TFDP2: variants seen among roughly 807,000 people sequenced by gnomAD.
The protein encoded by TFDP2 is transcription factor Dp-2 (E2F dimerization partner 2).
A neutral mutation model predicts 59.3 loss-of-function variants in TFDP2; 17 were observed. The ratio of observed to expected loss-of-function variants is 0.29; its 90% confidence interval spans 0.20 to 0.43. The LOEUF (loss-of-function observed/expected upper bound fraction) is 0.43. Among genes scored for constraint, TFDP2 ranks in the 20% least tolerant of loss-of-function variants. TFDP2 has a pLI of 1.00. For synonymous variants in TFDP2, 180 were observed against 194.7 expected (o/e 0.92, Z 0.63); for missense variants, 391 against 528.8 (o/e 0.74, Z 2.56).
chr3:141,982,762 G>A (rs557751721), intron 6 of TFDP2, among the ~76,000 whole-genome samples: 46 of 152,268 alleles, frequency 3.0e-4, no homozygotes, highest in African/African-American at 1.1e-3. Context: ...ATAAAACAGT[G>A]ATGGCTATAC....
At chr3:142,057,276 T>C (rs2059778560) in intron 3 of TFDP2, among the ~76,000 whole-genome samples, 1 of 152,244 alleles carries the variant, frequency 6.6e-6, no homozygotes, top group Non-Finnish European at 1.5e-5. Context: ...TAAGAACCTT[T>C]TTAAAGACGA....
chr3:141,960,611 G>A (rs1937235354), intron 10 of TFDP2, among the ~76,000 whole-genome samples: 1 of 152,132 alleles, frequency 6.6e-6, no homozygotes, highest in African/African-American at 2.4e-5. Flanking sequence ...TTAAAATCAT[G>A]TGAGGGTAAA....
At chr3:142,016,302 ATTT>A (rs34147232) in intron 3 of TFDP2, among the ~76,000 whole-genome samples, 3 of 133,364 alleles carry the variant, frequency 2.2e-5, no homozygotes, top group African/African-American at 2.8e-5. Context: ...GCCCAGCAAC[ATTT>A]TTTTTTTTTT....
At chr3:142,115,315 C>CTTT (rs906368574) in intron 1 of TFDP2, among the ~76,000 whole-genome samples, 3 of 130,970 alleles carry the variant, frequency 2.3e-5, no homozygotes, top group Non-Finnish European at 3.3e-5. Flanking sequence ...CACGCATTTT[C>CTTT]TTTTTTTTTT....
Position 141,952,334 on chromosome 3 carries a change from G to T in TFDP2, c.*179C>A. The T allele has an allele frequency of 1.8e-6, 1 of 542,338 alleles. No homozygotes were observed. The highest frequency in any genetic ancestry group is 3.1e-6 in the Non-Finnish European group (1 of 327,422). 33.6% of individuals were successfully genotyped at this position (542,338 alleles called of 1,614,324 possible). A position where few individuals can be genotyped will look rare whatever the true frequency, so the allele number is the denominator to read the frequency against. ...TTGGCCAGACTTTCATTCACACTATGTTAACTTTCATCTCAATCATCTCAG... is the reference window on the plus strand; with the variant it reads ...TTGGCCAGACTTTCATTCACACTATTTTAACTTTCATCTCAATCATCTCAG... On this transcript the variant is annotated 3_prime_UTR_variant, in exon 13 of 13. Transcript: ENST00000489671.
At chr3:142,124,284 A>G (rs1441464735) in intron 1 of TFDP2, among the ~76,000 whole-genome samples, 1 of 152,220 alleles carries the variant, frequency 6.6e-6, no homozygotes, top group East Asian at 1.9e-4. Flanking sequence ...TAGCCATAAA[A>G]TTATGGAAAC....
chr3:142,114,869 G>A (rs1449527257), intron 1 of TFDP2, among the ~76,000 whole-genome samples: 1 of 152,028 alleles, frequency 6.6e-6, no homozygotes, highest in Non-Finnish European at 1.5e-5. Flanking sequence ...ATATTTAAAT[G>A]TAAAGGTATA....
At chr3:142,141,602 C>T (rs907170024) in intron 1 of TFDP2, among the ~76,000 whole-genome samples, 2 of 151,978 alleles carry the variant, frequency 1.3e-5, no homozygotes, top group African/African-American at 4.8e-5. Flanking sequence ...GGCAGCAGAT[C>T]AGTTGAGGCC....
intron 1 of TFDP2, among the ~76,000 whole-genome samples, chr3:142,148,508 C>A (rs2063255983): frequency 6.6e-6 from 1 of 152,118 alleles, no homozygotes; most frequent in Admixed American, 6.6e-5. Flanking sequence ...CGAAACACAC[C>A]GAATAGGTGG....
intron 1 of TFDP2, among the ~76,000 whole-genome samples, chr3:142,106,368 A>G (rs1263782836): frequency 6.6e-6 from 1 of 152,262 alleles, no homozygotes; most frequent in East Asian, 1.9e-4. Context: ...ATTAAAAATT[A>G]AGTATGCTGT....
At chr3:142,012,331 A>G (rs1944790306) in intron 3 of TFDP2, among the ~76,000 whole-genome samples, 1 of 152,138 alleles carries the variant, frequency 6.6e-6, no homozygotes, top group African/African-American at 2.4e-5. Flanking sequence ...ACACATTTTA[A>G]AGCTTTTTTC....
chr3:141,958,250 A>G (rs1936937943), intron 11 of TFDP2, among the ~76,000 whole-genome samples: 1 of 152,238 alleles, frequency 6.6e-6, no homozygotes, highest in Non-Finnish European at 1.5e-5. Context: ...GTTTATTTTC[A>G]GTAAAATAAA....
chr3:141,966,042 G>A (rs1937998335), intron 9 of TFDP2, among the ~76,000 whole-genome samples: 2 of 151,818 alleles, frequency 1.3e-5, no homozygotes, highest in East Asian at 1.9e-4. Context: ...GGTATATGGG[G>A]GAATATAAGC....
chr3:142,139,078 G>T (rs148502633), intron 1 of TFDP2, among the ~76,000 whole-genome samples: 12,656 of 152,262 alleles, frequency 0.083, 654 homozygotes, highest in Middle Eastern at 0.14. Flanking sequence ...ATTTAGGATA[G>T]TTAGCTCTTC....
At chr3:142,091,235 G>A (rs998715112) in intron 3 of TFDP2, among the ~76,000 whole-genome samples, 1 of 151,736 alleles carries the variant, frequency 6.6e-6, no homozygotes, top group Non-Finnish European at 1.5e-5. Flanking sequence ...TGTCATGTGG[G>A]AAAAAAAATG....
At chr3:142,000,104 C>T (rs988936382) in intron 4 of TFDP2, 9 of 467,814 alleles carry the variant, frequency 1.9e-5, no homozygotes, top group East Asian at 6.4e-5. Flanking sequence ...AGAGGAGAAG[C>T]GATAAATGGC....
At chr3:142,106,212 G>C (rs904466292) in intron 1 of TFDP2, among the ~76,000 whole-genome samples, 2 of 152,024 alleles carry the variant, frequency 1.3e-5, no homozygotes, top group African/African-American at 4.8e-5. Flanking sequence ...TATGTGCATG[G>C]CACTATCTCA....
At chr3:141,975,385 T>G (rs1940472990) in intron 7 of TFDP2, among the ~76,000 whole-genome samples, 2 of 152,034 alleles carry the variant, frequency 1.3e-5, no homozygotes. Flanking sequence ...TAGAACTGAA[T>G]GTAAATACTA....
At chr3:141,987,761 C>T (rs1219360587) in intron 6 of TFDP2, among the ~76,000 whole-genome samples, 17 of 132,250 alleles carry the variant, frequency 1.3e-4, no homozygotes, top group Non-Finnish European at 1.6e-5. Context: ...AATCCAGTCT[C>T]TACTAAAAAT....
Sources: gnomAD v4.1 joint callset for allele counts (sites outside exome capture counted in the v4.1 genomes callset) on GRCh38, gnomAD v4.1.1 for gene constraint, MANE v1.5 for transcripts, NCBI Gene and HGNC (gene_info 2026-07-23, HGNC 2026-07-21) for gene names.